Variants in CPVL observed in about 807,000 individuals in gnomAD.
CPVL encodes probable serine carboxypeptidase CPVL.
In CPVL, 51 loss-of-function variants were observed where a neutral mutation model predicts 63.7. The ratio of observed to expected loss-of-function variants is 0.80; its 90% CI spans 0.64 to 1.01. The LOEUF (loss-of-function observed/expected upper bound fraction) is 1.01. Ranked by LOEUF, CPVL falls within the 50% of genes least tolerant of loss-of-function variation. CPVL has a pLI of 0.00. For missense variants in CPVL, 530 were observed against 573.1 expected (o/e 0.92, Z 0.77); for synonymous variants, 195 against 206.0 (o/e 0.95, Z 0.46).
chr7:29,075,266 G>C (rs552042299), intron 7 of CPVL, among the ~76,000 whole-genome samples: 40 of 152,242 alleles, frequency 2.6e-4, no homozygotes, highest in African/African-American at 9.6e-4. Flanking sequence ...GATATATCCA[G>C]GCAGGGAATT....
Position 29,139,876 on chromosome 7 carries a change from T to C in CPVL, c.-11+6553A>G, listed in dbSNP as rs574861154. Reference sequence around the variant, plus strand: ...AAATTATTTCCACTTGACTTGCTGATTGCTAATAATATTCTTCATCAAGTA... The same window carrying C: ...AAATTATTTCCACTTGACTTGCTGACTGCTAATAATATTCTTCATCAAGTA... On this transcript the variant is annotated intron_variant, in intron 1 of 12. Transcript: ENST00000265394. Among the ~76,000 whole-genome samples, 14 of 152,354 alleles carry C rather than the reference T, an allele frequency of 9.2e-5. No individual in the cohort carries two copies. In the East Asian group the frequency reaches 2.1e-3, roughly 23 times the overall value.
chr7:29,135,780 C>T (rs1351026944), intron 1 of CPVL, among the ~76,000 whole-genome samples: 1 of 152,190 alleles, frequency 6.6e-6, no homozygotes, highest in Non-Finnish European at 1.5e-5. Context: ...CTCACTTCAG[C>T]TTCTAGCTTG....
chr7:29,165,564 T>G (rs977107960), intron 5 of CPVL, among the ~76,000 whole-genome samples: 6 of 152,204 alleles, frequency 3.9e-5, no homozygotes, highest in African/African-American at 1.4e-4. Context: ...CTTTCATTAA[T>G]ACATTTGCCA....
intron 1 of CPVL, among the ~76,000 whole-genome samples, chr7:29,142,078 C>T (rs1390132098): frequency 6.6e-6 from 1 of 152,196 alleles, no homozygotes; most frequent in East Asian, 1.9e-4. Context: ...CTCTGCCTCA[C>T]CTTACCCCCT....
At chr7:29,148,904 A>T (rs1444948231), upstream of CPVL, among the ~76,000 whole-genome samples, 1 of 152,114 alleles carries the variant, frequency 6.6e-6, no homozygotes, top group Non-Finnish European at 1.5e-5. Context: ...CCGAAGAGCC[A>T]GGGGAATCCT....
At position 29,030,707 on chromosome 7, in the gene CPVL, T is replaced by C. The variant is rs761204292; in HGVS notation, c.1190A>G (p.Glu397Gly). 9.3e-6 allele frequency: 15 copies of C among 1,613,514 alleles called. No individual in the cohort carries two copies. In the South Asian group the frequency reaches 1.5e-4, roughly 17 times the overall value. ...CCAGTCCATGCCCATCAAGGAGCGC[T>C]CTGTCAGGGCAGCTGCCACGATGAT... ...LDIIVAAALT[E>G]RSLMGMDWKG... The change falls in exon 12 of 13, where the codon GAG (glutamate) becomes GGG (glycine). Residue 397 changes from glutamate (E) to glycine (G), a missense_variant. Coordinates refer to ENST00000265394, the MANE Select transcript of CPVL (RefSeq NM_031311.5).
At chr7:29,032,526 A>G (rs1788125236) in intron 11 of CPVL, among the ~76,000 whole-genome samples, 2 of 152,198 alleles carry the variant, frequency 1.3e-5, no homozygotes, top group South Asian at 4.1e-4. Flanking sequence ...AAAACCTCCT[A>G]TAGTTGTTTT....
At chr7:29,086,954 T>C (rs1294120078) in intron 6 of CPVL, among the ~76,000 whole-genome samples, 1 of 152,140 alleles carries the variant, frequency 6.6e-6, no homozygotes, top group African/African-American at 2.4e-5. Flanking sequence ...CAACCCCCAC[T>C]GTGGGGGACT....
chr7:29,183,747 G>A (rs768863019), intron 4 of CPVL, among the ~76,000 whole-genome samples: 12 of 151,924 alleles, frequency 7.9e-5, no homozygotes, highest in Non-Finnish European at 1.2e-4. Flanking sequence ...ATATATAGAA[G>A]ATATATGTAT....
intron 3 of CPVL, among the ~76,000 whole-genome samples, chr7:29,111,857 T>C (rs1281105432): frequency 6.6e-6 from 1 of 152,204 alleles, no homozygotes; most frequent in African/African-American, 2.4e-5. Context: ...ACACCCTCCA[T>C]AGGGATAGCT....
intron 9 of CPVL, among the ~76,000 whole-genome samples, chr7:29,066,854 C>A (rs1783185263): frequency 6.6e-6 from 1 of 152,182 alleles, no homozygotes; most frequent in Non-Finnish European, 1.5e-5. Flanking sequence ...TGGAGACAAG[C>A]ACAGCCTGAC....
At chr7:29,062,312 G>A (rs953856493) in intron 11 of CPVL, among the ~76,000 whole-genome samples, 2 of 152,158 alleles carry the variant, frequency 1.3e-5, no homozygotes, top group Non-Finnish European at 2.9e-5. Flanking sequence ...TGAGAGCTCA[G>A]AGGAGAGGAC....
At chr7:28,999,752 G>T (rs1784432287) in intron 12 of CPVL, among the ~76,000 whole-genome samples, 1 of 152,208 alleles carries the variant, frequency 6.6e-6, no homozygotes, top group African/African-American at 2.4e-5. Context: ...TGCGGGAAGA[G>T]AAAGCTTGTT....
chr7:29,135,049 A>G (rs995718215), intron 1 of CPVL, among the ~76,000 whole-genome samples: 1 of 150,182 alleles, frequency 6.7e-6, no homozygotes, highest in Non-Finnish European at 1.5e-5. Context: ...GGCTCCAGTG[A>G]GCCATGATCG....
intron 11 of CPVL, among the ~76,000 whole-genome samples, chr7:29,046,832 A>G (rs1407152199): frequency 6.6e-6 from 1 of 152,168 alleles, no homozygotes; most frequent in Non-Finnish European, 1.5e-5. Context: ...TTCTAGAGAT[A>G]CCCTATCCTT....
rs1051075052 is a variant in CPVL, at chr7:28,995,485, T to TC, written c.*286dup. ...CTTAGAAGAAATTAAAACTTCCTAT[T>TC]CAAGACCCTAAAATTTCATTTATAC... On this transcript the variant is annotated 3_prime_UTR_variant, in exon 13 of 13. Transcript: ENST00000265394. 8 of 291,578 alleles carry TC rather than the reference T, an allele frequency of 2.7e-5. No homozygotes were observed. Among genetic ancestry groups the TC allele is most frequent in the African/African-American group, 6.8e-5 (3 of 44,346 alleles). The allele number at this position is 291,578 out of a possible 1,614,324, so 18.1% of individuals were successfully genotyped here. A position where few individuals can be genotyped will look rare whatever the true frequency, so the allele number is the denominator to read the frequency against.
chr7:29,148,860 G>T (rs772346636), upstream of CPVL, among the ~76,000 whole-genome samples: 10 of 152,136 alleles, frequency 6.6e-5, no homozygotes, highest in Non-Finnish European at 1.2e-4. Context: ...GTGTGTGTGT[G>T]GGGGAACAGA....
At chr7:29,128,534 G>A (rs1021461769) in intron 1 of CPVL, among the ~76,000 whole-genome samples, 36 of 151,884 alleles carry the variant, frequency 2.4e-4, no homozygotes, top group Admixed American at 1.9e-3. Context: ...TGGCCAACAC[G>A]GTGAAACCCT....
intron 1 of CPVL, among the ~76,000 whole-genome samples, chr7:29,125,795 T>G (rs1467231885): frequency 2.0e-5 from 3 of 152,214 alleles, no homozygotes; most frequent in African/African-American, 7.2e-5. Context: ...TTATGGATTG[T>G]TAAAGGATGG....
Sources: gnomAD v4.1 joint callset for allele counts (sites outside exome capture counted in the v4.1 genomes callset) on GRCh38, gnomAD v4.1.1 for gene constraint, MANE v1.5 for transcripts, NCBI Gene and HGNC (gene_info 2026-07-23, HGNC 2026-07-21) for gene names.